The following TMEM132D variants were observed in gnomAD, a reference collection of about 807,000 sequenced individuals.
The protein encoded by TMEM132D is mature OL transmembrane protein.
A neutral mutation model predicts 62.3 loss-of-function variants in TMEM132D; 21 were observed. The observed-to-expected ratio is 0.34, with a 90% CI of 0.24 to 0.49. The LOEUF (loss-of-function observed/expected upper bound fraction) is 0.49. Among genes scored for constraint, TMEM132D ranks in the 20% least tolerant of loss-of-function variants. The probability of loss-of-function intolerance (pLI) is 0.99; values close to 1 mark genes in which losing one functional copy is unlikely to be tolerated. For missense variants in TMEM132D, 1,346 were observed against 1,402.8 expected (o/e 0.96, Z 0.65); for synonymous variants, 621 against 575.6 (o/e 1.08, Z -1.13).
rs1403005833 is a variant in TMEM132D, at chr12:129,791,966, C to T, written c.80-91268G>A. 2.6e-5 allele frequency among the ~76,000 whole-genome samples: 4 copies of T among 152,246 alleles called. No homozygotes were observed. The East Asian group carries it at 7.7e-4, about 29-fold the overall frequency. On this transcript the variant is annotated intron_variant, in intron 1 of 8. Coordinates refer to ENST00000422113, the MANE Select transcript of TMEM132D (RefSeq NM_133448.3). Reference sequence around the variant, plus strand: ...GGAGCCTCCTCAGCTGATGCTGCCCCCGACAGAGGAAAAGTAACCCATCTT... The same window carrying T: ...GGAGCCTCCTCAGCTGATGCTGCCCTCGACAGAGGAAAAGTAACCCATCTT...
intron 5 of TMEM132D, among the ~76,000 whole-genome samples, chr12:129,094,255 T>C (rs1875025864): frequency 6.6e-6 from 1 of 152,172 alleles, no homozygotes; most frequent in African/African-American, 2.4e-5. Context: ...ACCTACAGAA[T>C]GGGAGAAAGT....
In TMEM132D at chr12:129,247,813, C is replaced by T. The variant is rs1029707693; in HGVS notation, c.1300-38150G>A. 7.3e-5 allele frequency among the ~76,000 whole-genome samples: 11 copies of T among 150,944 alleles called. 1 individual carries two copies. Among genetic ancestry groups the T allele is most frequent in the Admixed American group, 2.0e-4 (3 of 15,186 alleles). On this transcript the variant is annotated intron_variant, in intron 4 of 8. Transcript: ENST00000422113. ...TATGCCCCATAGCTTTTAATTCTGG[C>T]TGGATAGAAAAGCATTGCTGAAGTT... is the stretch of plus-strand genomic sequence containing the variant.
intron 2 of TMEM132D, among the ~76,000 whole-genome samples, chr12:129,690,090 C>T (rs682471): frequency 0.23 from 34,551 of 151,826 alleles, 4,167 homozygotes; most frequent in Middle Eastern, 0.28. Flanking sequence ...TGAGGGTAAA[C>T]GGGAAAACTC....
intron 1 of TMEM132D, among the ~76,000 whole-genome samples, chr12:129,812,124 A>G (rs1347248826): frequency 2.0e-5 from 3 of 151,800 alleles, no homozygotes; most frequent in Non-Finnish European, 4.4e-5. Context: ...TTTCACAGTT[A>G]CATTCTGAGA....
chr12:129,783,787 G>A (rs1462497679), intron 1 of TMEM132D, among the ~76,000 whole-genome samples: 5 of 152,152 alleles, frequency 3.3e-5, no homozygotes, highest in South Asian at 2.1e-4. Context: ...GATATTTAGC[G>A]ACTGGCTAAA....
At chr12:129,561,768 A>G (rs190290443) in intron 2 of TMEM132D, among the ~76,000 whole-genome samples, 2 of 152,334 alleles carry the variant, frequency 1.3e-5, no homozygotes, top group East Asian at 3.9e-4. Flanking sequence ...TCCAGATAAG[A>G]AATCAGCCCT....
At chr12:129,318,384 T>C (rs1194867142) in intron 4 of TMEM132D, among the ~76,000 whole-genome samples, 1 of 152,190 alleles carries the variant, frequency 6.6e-6, no homozygotes, top group African/African-American at 2.4e-5. Flanking sequence ...TGGCTTCCTG[T>C]GAGCCAAACT....
rs761872517 is a variant in TMEM132D at position 129,074,674 on chromosome 12, C to G, written c.2501G>C (p.Trp834Ser). Residue 834 changes from tryptophan (W) to serine (S), a missense_variant, in exon 9 of 9, where the codon TGG (tryptophan) becomes TCG (serine). Transcript: ENST00000422113. ...DRRPKKPSQE[W>S]GSQEGQYYGS... ...ATAGTACTGTCCTTCCTGACTCCCC[C>G]ATTCCTGCGAGGGTTTTTTGGGCCT... 2 of 1,614,158 alleles carry G rather than the reference C, an allele frequency of 1.2e-6. No homozygotes were observed.
chr12:129,079,050 G>A, intron 7 of TMEM132D, among the ~76,000 whole-genome samples: 1 of 152,154 alleles, frequency 6.6e-6, no homozygotes, highest in East Asian at 1.9e-4. Context: ...TCGACTATTA[G>A]CTTTATGATT....
intron 1 of TMEM132D, among the ~76,000 whole-genome samples, chr12:129,756,122 G>T (rs1357887013): frequency 6.6e-6 from 1 of 152,188 alleles, no homozygotes; most frequent in East Asian, 1.9e-4. Context: ...CCAGGGGATA[G>T]AGGTAGTGGA....
At chr12:129,641,865 C>T (rs1879648442) in intron 2 of TMEM132D, among the ~76,000 whole-genome samples, 1 of 152,108 alleles carries the variant, frequency 6.6e-6, no homozygotes, top group African/African-American at 2.4e-5. Flanking sequence ...ATCTGAAGGA[C>T]CTATTATTCT....
intron 4 of TMEM132D, among the ~76,000 whole-genome samples, chr12:129,230,532 G>T (rs1191196170): frequency 6.6e-6 from 1 of 152,256 alleles, no homozygotes; most frequent in Non-Finnish European, 1.5e-5. Context: ...AAACTACGGA[G>T]AAATTTATGC....
chr12:129,747,260 C>T (rs532147481), intron 1 of TMEM132D, among the ~76,000 whole-genome samples: 1 of 152,244 alleles, frequency 6.6e-6, no homozygotes, highest in South Asian at 2.1e-4. Context: ...GGGGCAGCTG[C>T]CAGCCCAGCT....
intron 2 of TMEM132D, among the ~76,000 whole-genome samples, chr12:129,588,291 C>T (rs1878086639): frequency 6.6e-6 from 1 of 152,218 alleles, no homozygotes; most frequent in South Asian, 2.1e-4. Flanking sequence ...TCTTTTCAGC[C>T]CTCACAGAGG....
chr12:129,825,229 G>A (rs1312151259), intron 1 of TMEM132D, among the ~76,000 whole-genome samples: 2 of 151,618 alleles, frequency 1.3e-5, no homozygotes, highest in Non-Finnish European at 2.9e-5. Flanking sequence ...TGTTGGCCAG[G>A]CTGGTCTTGA....
intron 1 of TMEM132D, among the ~76,000 whole-genome samples, chr12:129,862,968 C>A (rs945955161): frequency 6.6e-6 from 1 of 152,030 alleles, no homozygotes; most frequent in Non-Finnish European, 1.5e-5. Flanking sequence ...TGGTGCAGTT[C>A]CGCCTTCCTC....
intron 2 of TMEM132D, among the ~76,000 whole-genome samples, chr12:129,544,878 T>G (rs1876688591): frequency 6.6e-6 from 1 of 152,220 alleles, no homozygotes; most frequent in African/African-American, 2.4e-5. Context: ...CTATGATAAC[T>G]GGCAAATGTG....
chr12:129,629,071 C>T (rs774149243), intron 2 of TMEM132D, among the ~76,000 whole-genome samples: 1 of 152,034 alleles, frequency 6.6e-6, no homozygotes, highest in Non-Finnish European at 1.5e-5. Flanking sequence ...CCCCTTTCTC[C>T]CTCTACCCAA....
At chr12:129,655,041 G>A (rs142182277) in intron 2 of TMEM132D, among the ~76,000 whole-genome samples, 2,021 of 149,760 alleles carry the variant, frequency 0.013, 50 homozygotes, top group South Asian at 0.12. Flanking sequence ...TCTGCCTCCC[G>A]GGTTCAAGTC....
Sources: gnomAD v4.1 joint callset for allele counts (sites outside exome capture counted in the v4.1 genomes callset) on GRCh38, gnomAD v4.1.1 for gene constraint, MANE v1.5 for transcripts, NCBI Gene and HGNC (gene_info 2026-07-23, HGNC 2026-07-21) for gene names.